The following PGGHG variants were observed in gnomAD, a reference collection of about 807,000 sequenced individuals.
The protein encoded by PGGHG is ATH1, acid trehalase-like 1.
PGGHG carries 67 observed loss-of-function variants against 74.5 expected under a neutral mutation model. The ratio of observed to expected loss-of-function variants is 0.90; its 90% confidence interval spans 0.74 to 1.10. The LOEUF is 1.10. PGGHG is among the 50% of genes least tolerant of loss of function. The pLI, the probability that PGGHG is intolerant of heterozygous loss-of-function variation, is 0.00. For synonymous variants in PGGHG, 496 were observed against 419.9 expected (o/e 1.18, Z -2.21); for missense variants, 1,034 against 981.5 (o/e 1.05, Z -0.72).
At chr11:292,454 GC>G (rs1017945063) in intron 5 of PGGHG, 91 bp from the exon 6 acceptor site, 7 of 1,514,170 alleles carry the variant, frequency 4.6e-6, no homozygotes, top group East Asian at 2.3e-5. Flanking sequence ...CGCAGGCCGA[GC>G]CCCCCCTCCT....
rs1425330872 is a variant in PGGHG at position 295,494 on chromosome 11, G to C, written c.*745G>C. On this transcript the variant is annotated 3_prime_UTR_variant, in exon 14 of 14. Coordinates refer to ENST00000409548, the MANE Select transcript of PGGHG (RefSeq NM_025092.5). ...AGCCAGAGGGACTGGAGCCAGGTGT[G>C]CATGGGTTCAAGGCCCTGGCCCTGC... is the stretch of plus-strand genomic sequence containing the variant. 1 of 152,270 alleles carries C rather than the reference G, an allele frequency of 6.6e-6. No individual in the cohort carries two copies. The highest frequency in any genetic ancestry group is 1.5e-5 in the Non-Finnish European group (1 of 68,084). 9.4% of individuals were successfully genotyped at this position (152,270 alleles called of 1,614,324 possible).
chr11:289,419 C>G lies in PGGHG; in HGVS notation c.-14+180C>G, dbSNP rs1356390832. On this transcript the variant is annotated intron_variant, in intron 1 of 13. Coordinates refer to ENST00000409548, the MANE Select transcript of PGGHG (RefSeq NM_025092.5). The surrounding 1 kb of genome is among the most constrained non-coding windows in gnomAD (Gnocchi z 5.6). ...TCCCTCCCCCATCCCGCCCAGCGCTCCCCCCACCCTCCACACACGCCCGCC... is the reference window on the plus strand; with the variant it reads ...TCCCTCCCCCATCCCGCCCAGCGCTGCCCCCACCCTCCACACACGCCCGCC... 6.5e-6 allele frequency: 1 copy of G among 154,884 alleles called. No individual in the cohort carries two copies. Among genetic ancestry groups the G allele is most frequent in the South Asian group, 1.7e-4 (1 of 5,754 alleles). 9.6% of individuals were successfully genotyped at this position (154,884 alleles called of 1,614,324 possible).
chr11:291,795 A>G (rs1845730361), intron 4 of PGGHG, 181 bp from the exon 5 acceptor site: 1 of 863,774 alleles, frequency 1.2e-6, no homozygotes, highest in Non-Finnish European at 1.7e-6. Context: ...GAACTCCAGG[A>G]GCGTCTGGGC....
intron 4 of PGGHG, 169 bp downstream of exon 4, chr11:291,282 G>A: frequency 1.2e-6 from 1 of 850,420 alleles, no homozygotes; most frequent in Non-Finnish European, 1.7e-6. Context: ...ATCTAGGTGA[G>A]GGGAATGGAA....
At chr11:291,195 C>T (rs999269619) in intron 4 of PGGHG, 82 bp downstream of exon 4, 11 of 1,454,192 alleles carry the variant, frequency 7.6e-6, no homozygotes, top group Non-Finnish European at 1.0e-5. Context: ...GGGACCAGGG[C>T]TATGGTTGGG....
At chr11:292,239 C>T in intron 5 of PGGHG, 144 bp downstream of exon 5, 2 of 1,243,628 alleles carry the variant, frequency 1.6e-6, no homozygotes, top group Non-Finnish European at 2.2e-6. Flanking sequence ...CTTGTGGGGC[C>T]TCAGCAGTGC....
intron 11 of PGGHG, 39 bp from the exon 12 acceptor site, chr11:294,060 A>T (rs2134030301): frequency 6.3e-7 from 1 of 1,584,754 alleles, no homozygotes; most frequent in Non-Finnish European, 8.6e-7. Context: ...GAGGACGGTG[A>T]CCTGGGGGTC....
rs1319415143 is a variant in PGGHG at position 290,608 on chromosome 11, G to A, written c.470+8G>A. 1.3e-6 allele frequency: 2 copies of A among 1,580,906 alleles called. No individual in the cohort carries two copies. Among genetic ancestry groups the A allele is most frequent in the Non-Finnish European group, 1.7e-6 (2 of 1,164,136 alleles). The stretch of plus-strand genomic sequence containing the variant: ...TGACTTCCAGGGAGCCCGGTAAGGA[G>A]GGGGCTGGATTTGCAGCCAGGGAGT... On this transcript the variant is annotated splice_region_variant and intron_variant, in intron 3 of 13. Coordinates refer to ENST00000409548, the MANE Select transcript of PGGHG (RefSeq NM_025092.5).
chr11:293,564 C>A, intron 9 of PGGHG, 30 bp from the exon 10 acceptor site: 1 of 1,613,170 alleles, frequency 6.2e-7, no homozygotes, highest in Non-Finnish European at 8.5e-7. Flanking sequence ...TGTCCTGGAA[C>A]ACCTTCCAGT....
chr11:294,357 G>A lies in PGGHG; in HGVS notation c.1899G>A (p.Lys633=), dbSNP rs1374932421. ...SVSGIFYQGN[K]LNFSFSEDSV... is the part of the protein sequence containing the mutation. ...CCGGCATCTTCTACCAGGGGAACAA[G>A]CTCAACTTCTCTTTTTCCGAGGACT... Residue 633 remains lysine, a synonymous_variant, in exon 13 of 14, where the codon AAG becomes AAA. Coordinates refer to ENST00000409548, the MANE Select transcript of PGGHG (RefSeq NM_025092.5). 6 of 1,613,194 alleles carry A rather than the reference G, an allele frequency of 3.7e-6. No individual in the cohort carries two copies. In the South Asian group the frequency reaches 5.5e-5, roughly 15 times the overall value.
chr11:292,217 C>A, intron 5 of PGGHG, 122 bp downstream of exon 5: 1 of 1,359,020 alleles, frequency 7.4e-7, no homozygotes. Context: ...TCCTAGATTC[C>A]CCACCCTGAG....
chr11:295,858 G>C lies in PGGHG; in HGVS notation c.*1109G>C, dbSNP rs1845851279. Reference sequence around the variant, plus strand: ...GTTGCCGCTGCACCCTGTCCTCGGAGGACAGCAGAGGTTTGGACGGAGACT... The same window carrying C: ...GTTGCCGCTGCACCCTGTCCTCGGACGACAGCAGAGGTTTGGACGGAGACT... On this transcript the variant is annotated 3_prime_UTR_variant, in exon 14 of 14. Transcript: ENST00000409548. The C allele has an allele frequency of 6.6e-6, 1 of 152,338 alleles. No individual in the cohort carries two copies. The highest frequency in any genetic ancestry group is 2.1e-4 in the South Asian group (1 of 4,836). 9.4% of individuals were successfully genotyped at this position (152,338 alleles called of 1,614,324 possible).
intron 2 of PGGHG, 146 bp downstream of exon 2, chr11:290,221 C>T (rs1002380069): frequency 2.2e-6 from 3 of 1,374,808 alleles, no homozygotes; most frequent in South Asian, 2.9e-5. Flanking sequence ...CGCAGGGTCC[C>T]CCCTTCCCTC....
rs1031170228 is a variant in PGGHG, at chr11:291,209, G to T, written c.906+96G>T. 151 of 1,409,880 alleles carry T rather than the reference G, an allele frequency of 1.1e-4. No individual in the cohort carries two copies. The African/African-American group carries it at 1.8e-3, about 16-fold the overall frequency. 87.3% of individuals were successfully genotyped at this position (1,409,880 alleles called of 1,614,324 possible). ...TGGGACCAGGGCTATGGTTGGGGAA[G>T]CACAGGGACTGTGGCAAAAGGGAAG... On this transcript the variant is annotated intron_variant, in intron 4 of 13. Transcript: ENST00000409548.
Position 289,825 on chromosome 11 carries a change from C to A in PGGHG, c.9C>A (p.Asp3Glu). MEDAGEDPTTFAA... is the reference protein window; with the variant it reads MEEAGEDPTTFAA... ...TCAGGCCCAGCAGCTCCATGGAGGA[C>A]GCCGGCGAGGACCCCACCACGTTTG... is the stretch of plus-strand genomic sequence containing the variant. Residue 3 changes from aspartate (D) to glutamate (E), a missense_variant, in exon 2 of 14, where the codon GAC becomes GAA. Transcript: ENST00000409548. The surrounding 1 kb of genome is among the most constrained non-coding windows in gnomAD (Gnocchi z 5.6). 1.3e-6 allele frequency: 2 copies of A among 1,549,854 alleles called. No homozygotes were observed. Among genetic ancestry groups the A allele is most frequent in the Admixed American group, 2.0e-5 (1 of 50,952 alleles).
At chr11:291,251 C>T in intron 4 of PGGHG, 138 bp downstream of exon 4, 2 of 1,119,224 alleles carry the variant, frequency 1.8e-6, no homozygotes, top group Admixed American at 2.8e-5. Context: ...GGAAGGTGTG[C>T]AGGAGTTTGG....
In PGGHG at chr11:293,649, CCT is replaced by C. The variant is rs769397962; in HGVS notation, c.1537_1538del (p.Leu513GlufsTer3). The C allele has an allele frequency of 1.2e-6, 2 of 1,613,424 alleles. No homozygotes were observed. The highest frequency in any genetic ancestry group is 1.7e-5 in the Admixed American group (1 of 59,986). The part of the protein sequence containing the change: ...VLLGYPVPFS[L>X]SPDVRRKNLE... ...TCCTGGGATACCCAGTCCCCTTCTC[CCT>C]GAGTCCTGATGTTCGCAGGAAAAAT... On this transcript the variant is annotated frameshift_variant, in exon 10 of 14. Transcript: ENST00000409548. LOFTEE classifies it high-confidence loss of function.
rs73396558 is a variant in PGGHG at position 294,799 on chromosome 11, G to A, written c.*50G>A. ...TCTCTTGGGCCTTCCCTCTGGCCAC[G>A]TCTGCACCCACCCCTCCTGGGCACC... is the stretch of plus-strand genomic sequence containing the variant. On this transcript the variant is annotated 3_prime_UTR_variant, in exon 14 of 14. Transcript: ENST00000409548. 8.4e-3 allele frequency: 12,753 copies of A among 1,525,266 alleles called. 939 individuals are homozygous for A. The African/African-American group carries it at 0.16, about 19-fold the overall frequency. The allele number at this position is 1,525,266 out of a possible 1,614,324, so 94.5% of individuals were successfully genotyped here. A position where few individuals can be genotyped will look rare whatever the true frequency, so the allele number is the denominator to read the frequency against.
chr11:291,199 G>T, intron 4 of PGGHG, 86 bp downstream of exon 4: 1 of 1,443,034 alleles, frequency 6.9e-7, no homozygotes, highest in Non-Finnish European at 9.3e-7. Context: ...CCAGGGCTAT[G>T]GTTGGGGAAG....
Sources: allele counts gnomAD v4.1 joint callset, GRCh38; gene constraint gnomAD v4.1.1; non-coding constraint Gnocchi (gnomAD v3.1); transcripts MANE v1.5; gene names NCBI Gene and HGNC (gene_info 2026-07-23, HGNC 2026-07-21).